Variants in EYA1 observed in about 807,000 individuals in gnomAD.
The protein encoded by EYA1 is EYA transcriptional coactivator and phosphatase 1, also known as protein phosphatase EYA1.
In EYA1, 16 loss-of-function variants were observed where a neutral mutation model predicts 82.0. The ratio of observed to expected loss-of-function variants is 0.20; its 90% CI spans 0.13 to 0.30. The LOEUF is 0.30. EYA1 is among the 10% of genes least tolerant of loss of function. The pLI is 1.00. For missense variants in EYA1, 633 were observed against 730.7 expected, an observed-to-expected ratio of 0.87 and a Z score of 1.54; for synonymous variants, 261 against 264.4, an observed-to-expected ratio of 0.99 and a Z score of 0.12.
intron 3 of EYA1, among the ~76,000 whole-genome samples, chr8:71,346,018 G>A (rs1025980): frequency 0.094 from 14,130 of 150,538 alleles, 892 homozygotes; most frequent in African/African-American, 0.18. Flanking sequence ...GCACACGTGC[G>A]CGCACACACA....
chr8:71,303,807 C>T lies in EYA1; in HGVS notation c.557-4087G>A, dbSNP rs1312587690. 1.4e-5 allele frequency among the ~76,000 whole-genome samples: 2 copies of T among 142,784 alleles called. 1 individual carries two copies. Among genetic ancestry groups the T allele is most frequent in the African/African-American group, 5.0e-5 (2 of 40,350 alleles). The allele number at this position is 142,784 out of a possible 152,430, so 93.7% of individuals were successfully genotyped here. A position where few individuals can be genotyped will look rare whatever the true frequency, so the allele number is the denominator to read the frequency against. On this transcript the variant is annotated intron_variant, in intron 7 of 17. Transcript: ENST00000340726. ...ATGTTAGGAAGTAGGCTCGCCCGTA[C>T]ATGCTTCACCTATACTCCACAACAA...
At chr8:71,232,298 C>T (rs1811292865) in intron 12 of EYA1, among the ~76,000 whole-genome samples, 1 of 152,216 alleles carries the variant, frequency 6.6e-6, no homozygotes, top group African/African-American at 2.4e-5. Flanking sequence ...CACTGTCAGT[C>T]CAAGCGGCCT....
At chr8:71,465,564 AGT>A (rs1303850503) in intron 2 of EYA1, among the ~76,000 whole-genome samples, 1 of 152,188 alleles carries the variant, frequency 6.6e-6, no homozygotes, top group African/African-American at 2.4e-5. Context: ...CAGAGGTTGC[AGT>A]GAGCCAAGAT....
chr8:71,257,233 G>C (rs1003735026), intron 11 of EYA1, among the ~76,000 whole-genome samples: 6 of 152,206 alleles, frequency 3.9e-5, no homozygotes, highest in African/African-American at 1.4e-4. Context: ...CCAGGAAGCA[G>C]AGGGATACGA....
chr8:71,305,739 T>C (rs929392756), intron 7 of EYA1, among the ~76,000 whole-genome samples: 4 of 152,150 alleles, frequency 2.6e-5, no homozygotes, highest in African/African-American at 7.2e-5. Context: ...GAGACACTCA[T>C]TTCCACAACA....
intron 2 of EYA1, among the ~76,000 whole-genome samples, chr8:71,478,140 C>A (rs1809816147): frequency 6.6e-6 from 1 of 152,058 alleles, no homozygotes; most frequent in South Asian, 2.1e-4. Context: ...TGAATTTTTC[C>A]ATTAAAATAA....
At chr8:71,390,277 T>C (rs1829203448) in intron 2 of EYA1, among the ~76,000 whole-genome samples, 1 of 151,962 alleles carries the variant, frequency 6.6e-6, no homozygotes, top group African/African-American at 2.4e-5. Flanking sequence ...AATTCTTTTT[T>C]TTTTTTTTTT....
At position 71,317,540 on chromosome 8, in the gene EYA1, GTA is replaced by G; in HGVS notation, c.556+10_556+11del. The G allele has an allele frequency of 6.2e-7, 1 of 1,613,448 alleles. No individual in the cohort carries two copies. Among genetic ancestry groups the G allele is most frequent in the Non-Finnish European group, 8.5e-7 (1 of 1,179,422 alleles). ...ACAGGGTTAAGGAAAATAGCAATGTGTATATACAGACCTTGCATCTGGTAGCT... is the reference window on the plus strand; with the variant it reads ...ACAGGGTTAAGGAAAATAGCAATGTGTATACAGACCTTGCATCTGGTAGCT... On this transcript the variant is annotated intron_variant, in intron 7 of 17. Transcript: ENST00000340726.
At chr8:71,493,273 A>G (rs1195046204) in intron 2 of EYA1, among the ~76,000 whole-genome samples, 1 of 152,196 alleles carries the variant, frequency 6.6e-6, no homozygotes, top group African/African-American at 2.4e-5. Flanking sequence ...TTTTAGTAAT[A>G]AGGCAAGATA....
chr8:71,234,765 C>T (rs1811629541), intron 12 of EYA1, among the ~76,000 whole-genome samples: 1 of 151,990 alleles, frequency 6.6e-6, no homozygotes, highest in African/African-American at 2.4e-5. Context: ...TCGGGACTCC[C>T]AAAACTATAC....
At chr8:71,364,102 C>T (rs150061522), upstream of EYA1, among the ~76,000 whole-genome samples, 113 of 151,772 alleles carry the variant, frequency 7.4e-4, 1 homozygote, top group East Asian at 0.018. Flanking sequence ...ATAAATGATG[C>T]ATATAATTAT....
intron 2 of EYA1, among the ~76,000 whole-genome samples, chr8:71,523,176 T>TC (rs1462704570): frequency 1.7e-5 from 2 of 115,384 alleles, no homozygotes; most frequent in Admixed American, 9.4e-5. Context: ...CTTTTTTCTT[T>TC]TTCTTTTTTT....
At chr8:71,462,837 T>G (rs1586766418) in intron 2 of EYA1, among the ~76,000 whole-genome samples, 1 of 152,106 alleles carries the variant, frequency 6.6e-6, no homozygotes, top group Non-Finnish European at 1.5e-5. Context: ...AGGACCAGCG[T>G]CTGCCATTGC....
intron 2 of EYA1, among the ~76,000 whole-genome samples, chr8:71,374,500 T>G (rs1483699594): frequency 6.6e-6 from 1 of 152,178 alleles, no homozygotes; most frequent in Non-Finnish European, 1.5e-5. Context: ...TCGATGAACG[T>G]GTGGAGAAAA....
intron 9 of EYA1, among the ~76,000 whole-genome samples, chr8:71,275,973 A>G (rs924808497): frequency 9.9e-5 from 15 of 152,168 alleles, no homozygotes; most frequent in Admixed American, 5.2e-4. Flanking sequence ...GTCTCTTTGG[A>G]GAACTTCTGC....
chr8:71,275,713 TAG>T (rs1397353108), intron 9 of EYA1, among the ~76,000 whole-genome samples: 1 of 152,138 alleles, frequency 6.6e-6, no homozygotes, highest in East Asian at 1.9e-4. Context: ...TACTTTAGAT[TAG>T]AGTCAAGAGG....
At chr8:71,545,489 T>C (rs1349703948) in intron 1 of EYA1, among the ~76,000 whole-genome samples, 1 of 151,982 alleles carries the variant, frequency 6.6e-6, no homozygotes, top group Non-Finnish European at 1.5e-5. Flanking sequence ...ATCTTTTGTA[T>C]ACATCTCGAC....
intron 2 of EYA1, among the ~76,000 whole-genome samples, chr8:71,491,806 A>C (rs1811015147): frequency 6.6e-6 from 1 of 152,224 alleles, no homozygotes. Flanking sequence ...GGTGGTTACT[A>C]ACAGTCCATG....
intron 2 of EYA1, among the ~76,000 whole-genome samples, chr8:71,394,297 T>C (rs141027019): frequency 0.013 from 2,012 of 152,350 alleles, 44 homozygotes; most frequent in African/African-American, 0.045. Flanking sequence ...TTAGTTTAAA[T>C]AGATCCCTTT....
Sources: allele counts gnomAD v4.1 joint callset (sites outside exome capture counted in the v4.1 genomes callset), GRCh38; gene constraint gnomAD v4.1.1; transcripts MANE v1.5; gene names NCBI Gene and HGNC (gene_info 2026-07-23, HGNC 2026-07-21).